STAB2: variants seen among roughly 807,000 people sequenced by gnomAD.
The protein encoded by STAB2 is stabilin 2.
STAB2 carries 288 observed loss-of-function variants against 338.1 expected under a neutral mutation model. That is an observed-to-expected ratio of 0.85 (90% CI 0.77 to 0.94). STAB2 has a LOEUF of 0.94. STAB2 is among the 40% of genes least tolerant of loss of function. STAB2 has a pLI of 0.00. For missense variants in STAB2, 3,141 were observed against 3,210.1 expected (o/e 0.98, Z 0.52); for synonymous variants, 1,202 against 1,193.3 (o/e 1.01, Z -0.15).
At chr12:103,689,237 C>T (rs929301548) in intron 28 of STAB2, among the ~76,000 whole-genome samples, 1 of 152,170 alleles carries the variant, frequency 6.6e-6, no homozygotes, top group Non-Finnish European at 1.5e-5. Flanking sequence ...AATCCCAGCA[C>T]TTTGGGAGGC....
chr12:103,724,412 C>A (rs1048081472), intron 44 of STAB2, among the ~76,000 whole-genome samples: 1 of 152,108 alleles, frequency 6.6e-6, no homozygotes. Context: ...GAGGAAGGGG[C>A]CTATGGGGTC....
At chr12:103,651,336 C>T (rs1386191948) in intron 11 of STAB2, among the ~76,000 whole-genome samples, 9 of 116,378 alleles carry the variant, frequency 7.7e-5, no homozygotes, top group African/African-American at 1.0e-4. Flanking sequence ...TTTTTTGAGA[C>T]GGAGCCTTGC....
At chr12:103,654,782 T>C in intron 13 of STAB2, 84 bp downstream of exon 13, 1 of 1,492,750 alleles carries the variant, frequency 6.7e-7, no homozygotes, top group Non-Finnish European at 9.0e-7. Flanking sequence ...ATGCCAGCAC[T>C]CTGTGCTTGT....
intron 3 of STAB2, among the ~76,000 whole-genome samples, chr12:103,614,720 C>G (rs1352022429): frequency 1.3e-5 from 2 of 152,176 alleles, no homozygotes; most frequent in Non-Finnish European, 2.9e-5. Flanking sequence ...CACAACCATC[C>G]CATGCAAAGG....
chr12:103,667,241 G>T lies in STAB2; in HGVS notation c.2085+888G>T, dbSNP rs540148082. 5.3e-5 allele frequency among the ~76,000 whole-genome samples: 8 copies of T among 152,310 alleles called. No individual in the cohort carries two copies. In the South Asian group the frequency reaches 1.7e-3, roughly 32 times the overall value. On this transcript the variant is annotated intron_variant, in intron 19 of 68. Transcript: ENST00000388887. ...CAGATATTTATTTTGCTTAACAAAG[G>T]CATTACCCCTGAGTCCTTCAGGATG... is the stretch of plus-strand genomic sequence containing the variant.
chr12:103,762,132 G>A, intron 66 of STAB2, 142 bp from the exon 67 acceptor site: 1 of 1,106,072 alleles, frequency 9.0e-7, no homozygotes, highest in Non-Finnish European at 1.3e-6. Context: ...ATTAGACCCT[G>A]GCAGTAATAA....
Position 103,608,447 on chromosome 12 carries a change from T to A in STAB2, c.332-12021T>A, listed in dbSNP as rs560207889. Reference sequence around the variant, plus strand: ...ATGAGCCACCGCGCCCAGCCTATGATAAGCATTTTTTCATGTGTCTTTTGG... The same window carrying A: ...ATGAGCCACCGCGCCCAGCCTATGAAAAGCATTTTTTCATGTGTCTTTTGG... On this transcript the variant is annotated intron_variant, in intron 3 of 68. Coordinates refer to ENST00000388887, the MANE Select transcript of STAB2 (RefSeq NM_017564.10). Among the ~76,000 whole-genome samples, 26 of 152,338 alleles carry A rather than the reference T, an allele frequency of 1.7e-4. No individual in the cohort carries two copies. The East Asian group carries it at 4.1e-3, about 24-fold the overall frequency.
chr12:103,605,718 C>A (rs536526505), intron 3 of STAB2, among the ~76,000 whole-genome samples: 2 of 151,962 alleles, frequency 1.3e-5, no homozygotes, highest in Admixed American at 6.6e-5. Context: ...ATGAAATGAA[C>A]TTCTTTATAC....
At chr12:103,619,078 C>T (rs1462530568) in intron 3 of STAB2, among the ~76,000 whole-genome samples, 1 of 152,234 alleles carries the variant, frequency 6.6e-6, no homozygotes, top group East Asian at 1.9e-4. Context: ...CCATGTGGAA[C>T]AGTGAGTCCA....
chr12:103,611,826 G>A (rs558696695), intron 3 of STAB2, among the ~76,000 whole-genome samples: 32 of 152,114 alleles, frequency 2.1e-4, no homozygotes, highest in South Asian at 8.3e-4. Context: ...GGCTGGTACC[G>A]GTTGTTCCTT....
At chr12:103,613,182 C>T (rs895735566) in intron 3 of STAB2, among the ~76,000 whole-genome samples, 4 of 152,196 alleles carry the variant, frequency 2.6e-5, no homozygotes, top group African/African-American at 9.7e-5. Context: ...TCTCAAGCTG[C>T]GTGCTGGGAG....
At chr12:103,610,415 G>A (rs564307932) in intron 3 of STAB2, among the ~76,000 whole-genome samples, 2 of 152,284 alleles carry the variant, frequency 1.3e-5, no homozygotes, top group African/African-American at 4.8e-5. Flanking sequence ...TATAGTCTTG[G>A]GAGGGTGTAT....
At chr12:103,746,384 T>G (rs1308091248) in intron 57 of STAB2, 1 of 491,678 alleles carries the variant, frequency 2.0e-6, no homozygotes, top group African/African-American at 1.9e-5. Flanking sequence ...TCAATGACAT[T>G]GCAGAGATCA....
At chr12:103,741,511 T>A (rs1251543118) in intron 55 of STAB2, among the ~76,000 whole-genome samples, 1 of 152,222 alleles carries the variant, frequency 6.6e-6, no homozygotes, top group African/African-American at 2.4e-5. Flanking sequence ...TGGAGTACAG[T>A]GGCAGGACCA....
Position 103,712,432 on chromosome 12 carries a change from C to A in STAB2, c.4400C>A (p.Thr1467Asn), listed in dbSNP as rs1013506998. 9.3e-6 allele frequency: 15 copies of A among 1,613,512 alleles called. No homozygotes were observed. Among genetic ancestry groups the A allele is most frequent in the Non-Finnish European group, 1.3e-5 (15 of 1,179,648 alleles). The change falls in exon 41 of 69, where the codon ACC becomes AAC. Residue 1467 changes from threonine to asparagine, a missense_variant. Coordinates refer to ENST00000388887, the MANE Select transcript of STAB2 (RefSeq NM_017564.10). Reference sequence around the variant, plus strand: ...GCAGCAGGATTCCAAGGAAACGGGACCATCTGCACAGGCAAGCGAAGGAAG... The same window carrying A: ...GCAGCAGGATTCCAAGGAAACGGGAACATCTGCACAGGCAAGCGAAGGAAG... ...KCAAGFQGNG[T>N]ICTAINACEI...
At chr12:103,711,995 ATTC>A (rs1254279958) in intron 40 of STAB2, among the ~76,000 whole-genome samples, 2 of 152,230 alleles carry the variant, frequency 1.3e-5, no homozygotes, top group East Asian at 3.8e-4. Context: ...AAAGCCTCAG[ATTC>A]TTCATTTGTA....
intron 9 of STAB2, among the ~76,000 whole-genome samples, chr12:103,643,945 C>A (rs58652981): frequency 0.014 from 516 of 36,766 alleles, 1 homozygote; most frequent in Non-Finnish European, 0.019. Context: ...CCGCCCCGTC[C>A]GGGAGGTGAG....
At chr12:103,692,210 A>T (rs944111274) in intron 30 of STAB2, among the ~76,000 whole-genome samples, 2 of 152,192 alleles carry the variant, frequency 1.3e-5, no homozygotes, top group Non-Finnish European at 2.9e-5. Flanking sequence ...TCATGTTCAC[A>T]TGGCAGTCTC....
chr12:103,745,093 GC>G, intron 56 of STAB2, 79 bp from the exon 57 acceptor site: 1 of 1,238,734 alleles, frequency 8.1e-7, no homozygotes, highest in South Asian at 1.5e-5. Context: ...AACTGAAAAT[GC>G]ATAGCAAACA....
Sources: allele counts gnomAD v4.1 joint callset (sites outside exome capture counted in the v4.1 genomes callset), GRCh38; gene constraint gnomAD v4.1.1; transcripts MANE v1.5; gene names NCBI Gene and HGNC (gene_info 2026-07-23, HGNC 2026-07-21).